GLUD1: variants seen among roughly 807,000 people sequenced by gnomAD.
GLUD1 encodes glutamate dehydrogenase 1, mitochondrial.
GLUD1 carries 22 observed loss-of-function variants against 56.0 expected under a neutral mutation model. That is an observed-to-expected ratio of 0.39 (90% CI 0.28 to 0.56). GLUD1 has a LOEUF of 0.56. Among genes scored for constraint, GLUD1 ranks in the 20% least tolerant of loss-of-function variants. The pLI is 0.58. For missense variants in GLUD1, 451 were observed against 732.0 expected, an observed-to-expected ratio of 0.62 and a Z score of 4.43; for synonymous variants, 223 against 269.9, an observed-to-expected ratio of 0.83 and a Z score of 1.70.
intron 1 of GLUD1, among the ~76,000 whole-genome samples, chr10:87,080,262 T>G (rs1318055002): frequency 6.6e-6 from 1 of 151,748 alleles, no homozygotes; most frequent in East Asian, 1.9e-4. Context: ...CAGGCTGGAG[T>G]GCAGTGGCGT....
chr10:87,062,881 C>G (rs766986279), intron 5 of GLUD1, 46 bp from the exon 6 acceptor site: 1 of 1,555,172 alleles, frequency 6.4e-7, no homozygotes, highest in Admixed American at 1.7e-5. Flanking sequence ...AGTCCAATTT[C>G]TCTGTTGAAG....
At chr10:87,080,742 C>T (rs1841209013) in intron 1 of GLUD1, among the ~76,000 whole-genome samples, 4 of 151,338 alleles carry the variant, frequency 2.6e-5, no homozygotes, top group African/African-American at 9.7e-5. Context: ...CTCCGCCTGG[C>T]AGCCGCCCCG....
chr10:87,094,219 A>AGCTGGGCTGG lies in GLUD1; in HGVS notation c.445+96_445+105dup. On this transcript the variant is annotated intron_variant, in intron 1 of 12. Coordinates refer to ENST00000277865, the MANE Select transcript of GLUD1 (RefSeq NM_005271.5). This position sits in a 1 kb window ranked among gnomAD's most constrained non-coding sequence, Gnocchi z 6.6. ...CCCGGGCGGGGACCCGGCCCGCTCC[A>AGCTGGGCTGG]GCTGGGCTGGGCTGGGCTGAGCAGC... is the stretch of plus-strand genomic sequence containing the variant. 7.0e-7 allele frequency: 1 copy of AGCTGGGCTGG among 1,438,050 alleles called. No individual in the cohort carries two copies. The highest frequency in any genetic ancestry group is 1.4e-5 in the South Asian group (1 of 73,256). The allele number at this position is 1,438,050 out of a possible 1,614,324, so 89.1% of individuals were successfully genotyped here.
At chr10:87,060,331 G>T (rs1845896691) in intron 8 of GLUD1, 90 bp from the exon 9 acceptor site, 1 of 880,520 alleles carries the variant, frequency 1.1e-6, no homozygotes, top group East Asian at 2.4e-5. Context: ...ATGAACAAGG[G>T]GCTGTGGGGA....
intron 11 of GLUD1, among the ~76,000 whole-genome samples, chr10:87,057,134 G>A (rs930034678): frequency 6.6e-6 from 1 of 152,188 alleles, no homozygotes; most frequent in Non-Finnish European, 1.5e-5. Context: ...GGGACTATAG[G>A]CGTGTAGCAC....
chr10:87,078,841 A>G (rs1377886539), intron 1 of GLUD1, among the ~76,000 whole-genome samples: 1 of 152,196 alleles, frequency 6.6e-6, no homozygotes, highest in Non-Finnish European at 1.5e-5. Flanking sequence ...ACAGTAAATA[A>G]TAATAGATTA....
chr10:87,085,325 GAC>G (rs1841355110), intron 1 of GLUD1, among the ~76,000 whole-genome samples: 1 of 135,158 alleles, frequency 7.4e-6, no homozygotes, highest in Non-Finnish European at 1.5e-5. Flanking sequence ...CAGCCTGGGC[GAC>G]AGAGAGTGAG....
At chr10:87,080,595 G>T (rs956701172) in intron 1 of GLUD1, among the ~76,000 whole-genome samples, 8 of 149,882 alleles carry the variant, frequency 5.3e-5, no homozygotes, top group Non-Finnish European at 7.4e-5. Context: ...CCGCCGCCCC[G>T]TCTGGGATGT....
intron 10 of GLUD1, 67 bp downstream of exon 10, chr10:87,059,083 G>C: frequency 6.4e-7 from 1 of 1,572,828 alleles, no homozygotes; most frequent in Non-Finnish European, 8.7e-7. Flanking sequence ...CTCTTAAGTG[G>C]ACCTTTTTAC....
chr10:87,087,847 G>A (rs936385343), intron 1 of GLUD1, among the ~76,000 whole-genome samples: 2 of 152,118 alleles, frequency 1.3e-5, no homozygotes, highest in African/African-American at 2.4e-5. Context: ...TTAGGAGGCC[G>A]AGGTGGGCTG....
intron 1 of GLUD1, among the ~76,000 whole-genome samples, chr10:87,079,224 A>G (rs1841137007): frequency 6.6e-6 from 1 of 151,150 alleles, no homozygotes. Flanking sequence ...GCCCACAGAA[A>G]AGGGAAAAAA....
At chr10:87,066,438 T>C (rs1390752028) in intron 5 of GLUD1, among the ~76,000 whole-genome samples, 1 of 152,220 alleles carries the variant, frequency 6.6e-6, no homozygotes, top group Non-Finnish European at 1.5e-5. Context: ...GACCCTTTTT[T>C]CTACTGGCCT....
chr10:87,086,062 A>G (rs1360724680), intron 1 of GLUD1, among the ~76,000 whole-genome samples: 1 of 152,212 alleles, frequency 6.6e-6, no homozygotes, highest in Non-Finnish European at 1.5e-5. Flanking sequence ...GTTTCATATA[A>G]ATTATTTACA....
At position 87,060,161 on chromosome 10, in the gene GLUD1, T is replaced by G. The variant is rs773833824; in HGVS notation, c.1278A>C (p.Pro426=). ...AGCCTAATAAATATAGATGACTTAC[T>G]GGAATAACCATAATGTTTCTCTCCA... is the stretch of plus-strand genomic sequence containing the variant. ...IFLERNIMVI[P]DLYLNAGGVT... The change falls in exon 9 of 13, where the codon CCA becomes CCC. Residue 426 remains proline (P), a splice_region_variant and synonymous_variant. Transcript: ENST00000277865. The G allele has an allele frequency of 1.9e-6, 3 of 1,578,900 alleles. No homozygotes were observed. Among genetic ancestry groups the G allele is most frequent in the African/African-American group, 2.7e-5 (2 of 74,280 alleles).
Position 87,094,241 on chromosome 10 carries a change from C to A in GLUD1, c.445+84G>T. On this transcript the variant is annotated intron_variant, in intron 1 of 12. Transcript: ENST00000277865. The surrounding 1 kb of genome is among the most constrained non-coding windows in gnomAD (Gnocchi z 6.6). ...TCCAGCTGGGCTGGGCTGGGCTGAGCAGCGGCCCCGCACCGGCAGGAGGCC... is the reference window on the plus strand; with the variant it reads ...TCCAGCTGGGCTGGGCTGGGCTGAGAAGCGGCCCCGCACCGGCAGGAGGCC... 1 of 1,502,618 alleles carries A rather than the reference C, an allele frequency of 6.7e-7. No homozygotes were observed. The highest frequency in any genetic ancestry group is 9.0e-7 in the Non-Finnish European group (1 of 1,113,476). 93.1% of individuals were successfully genotyped at this position (1,502,618 alleles called of 1,614,324 possible). A position where few individuals can be genotyped will look rare whatever the true frequency, so the allele number is the denominator to read the frequency against.
At chr10:87,057,821 GAAA>G (rs35186250) in intron 10 of GLUD1, 39 bp from the exon 11 acceptor site, 2,366 of 716,244 alleles carry the variant, frequency 3.3e-3, no homozygotes, top group East Asian at 6.5e-3. Context: ...ATTGCTAACA[GAAA>G]AAAAAAAAAA....
rs932647144 is a variant in GLUD1, at chr10:87,094,177, C to A, written c.445+148G>T. 5.7e-6 allele frequency: 8 copies of A among 1,391,912 alleles called. No homozygotes were observed. Among genetic ancestry groups the A allele is most frequent in the Middle Eastern group, 2.6e-4 (1 of 3,882 alleles). The allele number at this position is 1,391,912 out of a possible 1,614,324, so 86.2% of individuals were successfully genotyped here. ...AAATCACCATCCACAGAGCCGGCCA[C>A]ATCCGAGGCGGGGTGACCCGGGCGG... On this transcript the variant is annotated intron_variant, in intron 1 of 12. Transcript: ENST00000277865. The surrounding 1 kb of genome is among the most constrained non-coding windows in gnomAD (Gnocchi z 6.6).
chr10:87,069,523 A>G (rs535606420), intron 4 of GLUD1, among the ~76,000 whole-genome samples: 5 of 151,800 alleles, frequency 3.3e-5, no homozygotes, highest in Admixed American at 2.6e-4. Flanking sequence ...TCAAAAAAAA[A>G]AAAAAAAAAA....
chr10:87,061,217 A>C (rs771278165), intron 6 of GLUD1, 165 bp from the exon 7 acceptor site: 2 of 765,808 alleles, frequency 2.6e-6, no homozygotes, highest in Non-Finnish European at 4.7e-6. Flanking sequence ...TCAACAATAA[A>C]ATTCTCTGTT....
Sources: gnomAD v4.1 joint callset for allele counts (sites outside exome capture counted in the v4.1 genomes callset) on GRCh38, gnomAD v4.1.1 for gene constraint, Gnocchi (gnomAD v3.1) non-coding constraint, MANE v1.5 for transcripts, NCBI Gene and HGNC (gene_info 2026-07-23, HGNC 2026-07-21) for gene names.